The following CCBE1 variants were observed in gnomAD, a reference collection of about 807,000 sequenced individuals.
The protein encoded by CCBE1 is collagen and calcium binding EGF domains 1.
In CCBE1, 37 loss-of-function variants were observed where a neutral mutation model predicts 50.0. The observed-to-expected ratio is 0.74, with a 90% CI of 0.57 to 0.97. The LOEUF is 0.97. CCBE1 is among the 50% of genes least tolerant of loss of function. CCBE1 has a pLI of 0.00. For missense variants in CCBE1, 538 were observed against 523.8 expected, an observed-to-expected ratio of 1.03 and a Z score of -0.26; for synonymous variants, 234 against 203.7, an observed-to-expected ratio of 1.15 and a Z score of -1.27.
chr18:59,618,554 C>G (rs2053668662), intron 2 of CCBE1, among the ~76,000 whole-genome samples: 1 of 151,974 alleles, frequency 6.6e-6, no homozygotes, highest in African/African-American at 2.4e-5. Flanking sequence ...CCTGCTTCAG[C>G]CACCTGAGTA....
chr18:59,582,963 T>A (rs1044092734), intron 2 of CCBE1, among the ~76,000 whole-genome samples: 2 of 152,104 alleles, frequency 1.3e-5, no homozygotes, highest in African/African-American at 4.8e-5. Context: ...ACCACAGGCA[T>A]GTACCACCAT....
intron 6 of CCBE1, among the ~76,000 whole-genome samples, chr18:59,452,706 A>G (rs1171467063): frequency 6.6e-6 from 1 of 152,212 alleles, no homozygotes; most frequent in Non-Finnish European, 1.5e-5. Flanking sequence ...GCACCTCTCT[A>G]AGACCATCAG....
intron 2 of CCBE1, among the ~76,000 whole-genome samples, chr18:59,601,090 G>A (rs1057501512): frequency 1.5e-5 from 2 of 130,856 alleles, no homozygotes; most frequent in Non-Finnish European, 3.1e-5. Flanking sequence ...GGAGTGCAGT[G>A]GTGCAATCTC....
chr18:59,647,697 A>G (rs1286537857), intron 2 of CCBE1, among the ~76,000 whole-genome samples: 1 of 152,218 alleles, frequency 6.6e-6, no homozygotes, highest in Non-Finnish European at 1.5e-5. Flanking sequence ...AAAATGTGCA[A>G]TGTTCATCTA....
chr18:59,496,961 T>G (rs1913384307), intron 2 of CCBE1, among the ~76,000 whole-genome samples: 1 of 152,250 alleles, frequency 6.6e-6, no homozygotes, highest in South Asian at 2.1e-4. Flanking sequence ...CTCATTTTGA[T>G]GAATTGATGT....
chr18:59,631,645 C>CAA (rs980589624), intron 2 of CCBE1, among the ~76,000 whole-genome samples: 2 of 152,202 alleles, frequency 1.3e-5, no homozygotes, highest in African/African-American at 4.8e-5. Flanking sequence ...CAGCATGGTT[C>CAA]AAGTCACTTT....
At chr18:59,502,050 C>T (rs540353271) in intron 2 of CCBE1, among the ~76,000 whole-genome samples, 10 of 152,294 alleles carry the variant, frequency 6.6e-5, no homozygotes, top group African/African-American at 2.2e-4. Context: ...CCTCCCACCT[C>T]GGCCTCCCAC....
At chr18:59,488,864 T>C (rs630621) in intron 2 of CCBE1, among the ~76,000 whole-genome samples, 102,949 of 151,980 alleles carry the variant, frequency 0.68, 35,446 homozygotes, top group East Asian at 0.84. Context: ...CTGCTGTTTT[T>C]CCTGTTGTGT....
At chr18:59,506,124 A>T (rs967717330) in intron 2 of CCBE1, among the ~76,000 whole-genome samples, 1 of 152,228 alleles carries the variant, frequency 6.6e-6, no homozygotes. Flanking sequence ...TTGGATTAGG[A>T]TGGACCCTAA....
At chr18:59,693,346 T>TTCATGG (rs2054761891) in intron 2 of CCBE1, among the ~76,000 whole-genome samples, 2 of 152,280 alleles carry the variant, frequency 1.3e-5, no homozygotes, top group East Asian at 3.9e-4. Context: ...GTGACCAGCT[T>TTCATGG]TCATGGTCCC....
At chr18:59,518,253 C>T (rs2144317670) in intron 2 of CCBE1, among the ~76,000 whole-genome samples, 1 of 152,296 alleles carries the variant, frequency 6.6e-6, no homozygotes, top group East Asian at 1.9e-4. Context: ...CTCTGGGAGG[C>T]CGAGGCTGGC....
At chr18:59,441,493 A>T (rs1037973508) in intron 7 of CCBE1, among the ~76,000 whole-genome samples, 16 of 152,134 alleles carry the variant, frequency 1.1e-4, no homozygotes, top group African/African-American at 3.9e-4. Flanking sequence ...CAAAAAAAAA[A>T]AAAAAATCAA....
chr18:59,469,645 A>G (rs1445187058), intron 3 of CCBE1, 38 bp from the exon 4 acceptor site: 1 of 1,612,920 alleles, frequency 6.2e-7, no homozygotes, highest in Non-Finnish European at 8.5e-7. Flanking sequence ...CAACTACAGG[A>G]GGAGGCGGAG....
At chr18:59,470,670 C>A (rs982340760) in intron 3 of CCBE1, among the ~76,000 whole-genome samples, 2 of 152,122 alleles carry the variant, frequency 1.3e-5, no homozygotes, top group Non-Finnish European at 2.9e-5. Flanking sequence ...ATGTAATGAG[C>A]CTCTGAAGGG....
At chr18:59,493,415 T>C (rs60233816) in intron 2 of CCBE1, among the ~76,000 whole-genome samples, 6,276 of 152,236 alleles carry the variant, frequency 0.041, 399 homozygotes, top group African/African-American at 0.14. Context: ...AACTTCACAG[T>C]GACCCAATAT....
intron 2 of CCBE1, among the ~76,000 whole-genome samples, chr18:59,526,353 C>T (rs374964171): frequency 2.3e-4 from 34 of 148,784 alleles, no homozygotes; most frequent in East Asian, 5.9e-4. Flanking sequence ...TCTGTCGGCA[C>T]GGCTGGAGTG....
At chr18:59,591,595 T>C (rs572199865) in intron 2 of CCBE1, among the ~76,000 whole-genome samples, 5 of 152,138 alleles carry the variant, frequency 3.3e-5, no homozygotes, top group Non-Finnish European at 7.4e-5. Context: ...TTAAGTGTGT[T>C]AAGAGATTTC....
chr18:59,601,025 T>G (rs1449380504), intron 2 of CCBE1, among the ~76,000 whole-genome samples: 8 of 83,788 alleles, frequency 9.5e-5, no homozygotes, highest in African/African-American at 2.4e-4. Flanking sequence ...TTTTTTTTTT[T>G]TTTTTTTTTT....
intron 2 of CCBE1, among the ~76,000 whole-genome samples, chr18:59,565,803 C>T (rs2052815895): frequency 6.6e-6 from 1 of 151,268 alleles, no homozygotes; most frequent in Non-Finnish European, 1.5e-5. Flanking sequence ...ACAGCCTGTT[C>T]TCTTCTGAAA....
Sources: gnomAD v4.1 joint callset for allele counts (sites outside exome capture counted in the v4.1 genomes callset) on GRCh38, gnomAD v4.1.1 for gene constraint, MANE v1.5 for transcripts, NCBI Gene and HGNC (gene_info 2026-07-23, HGNC 2026-07-21) for gene names.